GCC2: variants seen among roughly 807,000 people sequenced by gnomAD.
The protein encoded by GCC2 is GRIP and coiled-coil domain containing 2.
A neutral mutation model predicts 210.6 loss-of-function variants in GCC2; 120 were observed. The observed-to-expected ratio is 0.57, with a 90% CI of 0.49 to 0.66. GCC2 has a LOEUF of 0.66. Among genes scored for constraint, GCC2 ranks in the 30% least tolerant of loss-of-function variants. The pLI is 0.00. For synonymous variants in GCC2, 703 were observed against 652.7 expected (o/e 1.08, Z -1.17); for missense variants, 1,868 against 1,871.9 (o/e 1.00, Z 0.04).
intron 9 of GCC2, among the ~76,000 whole-genome samples, chr2:108,480,233 G>C (rs548348244): frequency 2.6e-5 from 4 of 152,256 alleles, no homozygotes; most frequent in African/African-American, 9.6e-5. Context: ...AGTCAGGATG[G>C]CTACTATTAA....
Position 108,471,110 on chromosome 2 carries a change from A to T in GCC2, c.1781A>T (p.Glu594Val). ...ELEGKINSLT[E>V]EKDDFINKLK... is the part of the protein sequence containing the mutation. ...GAAGGAAAGATAAATTCTCTTACTG[A>T]GGAAAAAGATGATTTTATAAATAAA... Residue 594 changes from glutamate to valine, a missense_variant, in exon 6 of 23, where the codon GAG becomes GTG. Around this residue, in one of 3 missense-constraint regions of GCC2, gnomAD observed 1,847 missense variants for 1,765.2 expected, o/e 1.05. Transcript: ENST00000309863. 1.3e-6 allele frequency: 2 copies of T among 1,584,078 alleles called. No homozygotes were observed. Among genetic ancestry groups the T allele is most frequent in the Non-Finnish European group, 8.6e-7 (1 of 1,156,804 alleles).
At position 108,482,450 on chromosome 2, in the gene GCC2, A is replaced by C; in HGVS notation, c.3344A>C (p.Lys1115Thr). ...AEKLQKEQKI[K>T]EHATTVNELE... is the part of the protein sequence containing the mutation. ...AAACTTCAGAAAGAACAGAAGATAAAGGTAAAAACAATCCTATGAGATTGA... is the reference window on the plus strand; with the variant it reads ...AAACTTCAGAAAGAACAGAAGATAACGGTAAAAACAATCCTATGAGATTGA... The change falls in exon 11 of 23, where the codon AAG (lysine) becomes ACG (threonine). Residue 1115 changes from lysine (K) to threonine (T), a missense_variant and splice_region_variant. Physicochemically the swap from Lys to Thr is moderately conservative, Grantham distance 78 (BLOSUM62 -1). Around this residue, in one of 3 missense-constraint regions of GCC2, gnomAD observed 1,847 missense variants for 1,765.2 expected, o/e 1.05. Transcript: ENST00000309863. 6.8e-7 allele frequency: 1 copy of C among 1,466,060 alleles called. No homozygotes were observed. The highest frequency in any genetic ancestry group is 9.5e-7 in the Non-Finnish European group (1 of 1,055,094). 90.8% of individuals were successfully genotyped at this position (1,466,060 alleles called of 1,614,324 possible).
chr2:108,449,428 C>G lies in GCC2; in HGVS notation c.6+148C>G, dbSNP rs1014356744. 14 of 1,409,974 alleles carry G rather than the reference C, an allele frequency of 9.9e-6. No homozygotes were observed. In the Admixed American group the frequency reaches 1.3e-4, roughly 13 times the overall value. The allele number at this position is 1,409,974 out of a possible 1,614,324, so 87.3% of individuals were successfully genotyped here. A position where few individuals can be genotyped will look rare whatever the true frequency, so the allele number is the denominator to read the frequency against. ...GTCGCCTCCCCATCTTTCGTAAACT[C>G]TATCCCTGGGGGTTACCTGCCCCGT... On this transcript the variant is annotated intron_variant, in intron 1 of 22. Coordinates refer to ENST00000309863, the MANE Select transcript of GCC2 (RefSeq NM_181453.4).
intron 21 of GCC2, among the ~76,000 whole-genome samples, chr2:108,498,178 A>ATTTTTT (rs1682737796): frequency 1.5e-5 from 1 of 64,830 alleles, no homozygotes; most frequent in African/African-American, 6.4e-5. Flanking sequence ...TAAATGTTAT[A>ATTTTTT]TTTTCTTTTT....
chr2:108,465,188 G>A (rs796187551), intron 4 of GCC2, among the ~76,000 whole-genome samples: 9 of 152,202 alleles, frequency 5.9e-5, no homozygotes, highest in African/African-American at 1.9e-4. Context: ...TGTGTTTTCC[G>A]TCACTTCTCT....
chr2:108,461,841 T>G (rs1680600947), intron 4 of GCC2, among the ~76,000 whole-genome samples: 1 of 142,858 alleles, frequency 7.0e-6, no homozygotes, highest in African/African-American at 2.6e-5. Context: ...TTTTTCTTTT[T>G]TTTTTTTTTT....
intron 4 of GCC2, among the ~76,000 whole-genome samples, chr2:108,456,176 G>A (rs1033822823): frequency 6.6e-6 from 1 of 152,072 alleles, no homozygotes; most frequent in Non-Finnish European, 1.5e-5. Flanking sequence ...TAGTAGAGAT[G>A]GGGTTTCACC....
intron 22 of GCC2, among the ~76,000 whole-genome samples, chr2:108,502,217 A>C (rs1682959909): frequency 6.6e-6 from 1 of 152,220 alleles, no homozygotes; most frequent in Non-Finnish European, 1.5e-5. Context: ...TTAAAATTAA[A>C]GTTTTCAATA....
intron 4 of GCC2, 152 bp from the exon 5 acceptor site, chr2:108,468,828 T>A: frequency 1.9e-6 from 1 of 539,726 alleles, no homozygotes; most frequent in East Asian, 2.9e-5. Flanking sequence ...TATCCTTATA[T>A]CTTTTCTCCT....
chr2:108,494,061 T>A (rs1220175370), intron 19 of GCC2: 1 of 535,984 alleles, frequency 1.9e-6, no homozygotes, highest in Non-Finnish European at 2.4e-6. Flanking sequence ...AACCAATACA[T>A]GTCAAAGGGC....
At chr2:108,462,188 A>G (rs1313061634) in intron 4 of GCC2, among the ~76,000 whole-genome samples, 1 of 143,750 alleles carries the variant, frequency 7.0e-6, no homozygotes, top group Non-Finnish European at 1.5e-5. Flanking sequence ...GAGATACCCC[A>G]GTAATTCAAA....
chr2:108,475,891 A>G (rs1361490141), intron 9 of GCC2, 41 bp downstream of exon 9: 2 of 1,035,338 alleles, frequency 1.9e-6, no homozygotes, highest in African/African-American at 3.2e-5. Flanking sequence ...TAAAAGTTGT[A>G]ATAATAACTT....
Position 108,470,546 on chromosome 2 carries a change from C to G in GCC2, c.1217C>G (p.Ser406Cys). Residue 406 changes from serine to cysteine, a missense_variant, in exon 6 of 23, where the codon TCT becomes TGT. This residue lies in a region of GCC2 where 1,847 missense variants were observed against 1,765.2 expected (regional missense o/e 1.05). Transcript: ENST00000309863. ...EQGCVIEKLKSELAGLNKQFC... is the reference protein window; with the variant it reads ...EQGCVIEKLKCELAGLNKQFC... ...GGCTGTGTAATTGAAAAATTAAAAT[C>G]TGAGCTAGCAGGTTTAAATAAACAG... is the stretch of plus-strand genomic sequence containing the variant. 3.1e-6 allele frequency: 5 copies of G among 1,606,870 alleles called. No individual in the cohort carries two copies. The highest frequency in any genetic ancestry group is 4.2e-6 in the Non-Finnish European group (5 of 1,177,546).
chr2:108,482,993 T>C (rs1681947563), intron 11 of GCC2, 69 bp from the exon 12 acceptor site: 1 of 832,290 alleles, frequency 1.2e-6, no homozygotes, highest in African/African-American at 1.7e-5. Context: ...AGATTTATTT[T>C]AAAGCCCCTT....
chr2:108,482,110 T>G (rs1681890549), intron 10 of GCC2, among the ~76,000 whole-genome samples, 177 bp from the exon 11 acceptor site: 1 of 152,242 alleles, frequency 6.6e-6, no homozygotes, highest in African/African-American at 2.4e-5. Flanking sequence ...GTTTACCATA[T>G]TAGTATTTCA....
chr2:108,493,522 T>C (rs1451980971), intron 19 of GCC2: 4 of 985,798 alleles, frequency 4.1e-6, no homozygotes, highest in Middle Eastern at 5.2e-4. Context: ...GCACTGAATG[T>C]GTTAGAACTG....
In GCC2 at chr2:108,482,676, T is replaced by C. The variant is rs115083227; in HGVS notation, c.3345+225T>C. 5.0e-3 allele frequency among the ~76,000 whole-genome samples: 756 copies of C among 152,300 alleles called. 4 individuals are homozygous for C. The highest frequency in any genetic ancestry group is 8.9e-3 in the Non-Finnish European group (606 of 68,026). ...TTTTTGTATTTTAGCGTGTCAGATT[T>C]ATTTTATTTTATTTTTTTGAGACGG... is the stretch of plus-strand genomic sequence containing the variant. On this transcript the variant is annotated intron_variant, in intron 11 of 22. Coordinates refer to ENST00000309863, the MANE Select transcript of GCC2 (RefSeq NM_181453.4).
intron 3 of GCC2, among the ~76,000 whole-genome samples, chr2:108,451,934 C>T (rs567221210): frequency 6.6e-6 from 1 of 151,070 alleles, no homozygotes; most frequent in East Asian, 1.9e-4. Context: ...ACCTCCCCTT[C>T]CCGGGTTCAA....
intron 22 of GCC2, among the ~76,000 whole-genome samples, chr2:108,499,974 G>A (rs537254527): frequency 6.6e-6 from 1 of 152,332 alleles, no homozygotes; most frequent in South Asian, 2.1e-4. Context: ...AATACAGTAA[G>A]TGCTTAGCTT....
Sources: gnomAD v4.1 joint callset for allele counts (sites outside exome capture counted in the v4.1 genomes callset) on GRCh38, gnomAD v4.1.1 for gene constraint, gnomAD v4.1.1 regional missense constraint, MANE v1.5 for transcripts, NCBI Gene and HGNC (gene_info 2026-07-23, HGNC 2026-07-21) for gene names.